Variants in LPAR3 observed in about 807,000 individuals in gnomAD.
LPAR3 encodes the protein lysophosphatidic acid receptor 3.
A neutral mutation model predicts 17.8 loss-of-function variants in LPAR3; 7 were observed. That is an observed-to-expected ratio of 0.39 (90% confidence interval 0.22 to 0.74). The LOEUF (loss-of-function observed/expected upper bound fraction) is 0.74. Ranked by LOEUF, LPAR3 falls within the 30% of genes least tolerant of loss-of-function variation. The pLI is 0.40. For missense variants in LPAR3, 391 were observed against 453.4 expected (o/e 0.86, Z 1.25); for synonymous variants, 179 against 179.9 (o/e 0.99, Z 0.04).
At chr1:84,850,767 G>A (rs554573961) in intron 2 of LPAR3, among the ~76,000 whole-genome samples, 20 of 152,206 alleles carry the variant, frequency 1.3e-4, no homozygotes, top group Non-Finnish European at 2.2e-4. Context: ...GATAACCACT[G>A]GTTAGAACCA....
intron 2 of LPAR3, among the ~76,000 whole-genome samples, chr1:84,822,036 A>T (rs1659070460): frequency 6.6e-6 from 1 of 152,184 alleles, no homozygotes; most frequent in African/African-American, 2.4e-5. Context: ...GGGAGTCATC[A>T]GCAGTAGGTG....
intron 1 of LPAR3, among the ~76,000 whole-genome samples, chr1:84,881,277 A>G (rs1660360646): frequency 6.6e-6 from 1 of 152,148 alleles, no homozygotes; most frequent in Non-Finnish European, 1.5e-5. Context: ...CCTGGGTCAG[A>G]TGCAGGCGCA....
At chr1:84,869,587 T>C (rs953576281) in intron 1 of LPAR3, among the ~76,000 whole-genome samples, 12 of 152,264 alleles carry the variant, frequency 7.9e-5, no homozygotes, top group Admixed American at 1.3e-4. Context: ...GTGTTGACTA[T>C]ATAGAAAAAG....
In LPAR3 at chr1:84,865,452, A is replaced by T; in HGVS notation, c.669T>A (p.His223Gln). Residue 223 changes from histidine (H) to glutamine (Q), a missense_variant, in exon 2 of 3, where the codon CAT (histidine) becomes CAA (glutamine). By Grantham distance (24) the His-to-Gln change is conservative. Coordinates refer to ENST00000370611, the MANE Select transcript of LPAR3 (RefSeq NM_012152.3). Reference sequence around the variant, plus strand: ...TCCGGCGGCTGATGGACCCACTTGTATGCGGAGACAAGACGTTGGTTTTCC... The same window carrying T: ...TCCGGCGGCTGATGGACCCACTTGTTTGCGGAGACAAGACGTTGGTTTTCC... ...VKRKTNVLSP[H>Q]TSGSISRRRT... is the part of the protein sequence containing the mutation. 1.2e-6 allele frequency: 2 copies of T among 1,614,150 alleles called. No homozygotes were observed.
At position 84,890,100 on chromosome 1, in the gene LPAR3, T is replaced by A. The variant is rs557334251; in HGVS notation, c.-19+2916A>T. On this transcript the variant is annotated intron_variant, in intron 1 of 2. Transcript: ENST00000370611. ...ATAGCTCCCCAGCCCCATCACCACCTCTGCCATCCACAGCAGGACTGAGTT... is the reference window on the plus strand; with the variant it reads ...ATAGCTCCCCAGCCCCATCACCACCACTGCCATCCACAGCAGGACTGAGTT... Among the ~76,000 whole-genome samples the A allele has an allele frequency of 9.2e-5, 14 of 152,178 alleles. No individual in the cohort carries two copies. The South Asian group carries it at 1.2e-3, about 14-fold the overall frequency.
chr1:84,822,889 TAAAAAC>T (rs1659084735), intron 2 of LPAR3, among the ~76,000 whole-genome samples: 1 of 152,188 alleles, frequency 6.6e-6, no homozygotes, highest in Non-Finnish European at 1.5e-5. Context: ...TCCATAATGA[TAAAAAC>T]AATCACGTAG....
intron 2 of LPAR3, among the ~76,000 whole-genome samples, chr1:84,832,930 G>A (rs1659316736): frequency 6.6e-6 from 1 of 152,198 alleles, no homozygotes; most frequent in Admixed American, 6.5e-5. Flanking sequence ...TATTTTAGTA[G>A]TCAAATGAGA....
intron 2 of LPAR3, among the ~76,000 whole-genome samples, chr1:84,846,506 CT>C (rs1256903920): frequency 6.6e-6 from 1 of 152,214 alleles, no homozygotes; most frequent in African/African-American, 2.4e-5. Context: ...TATTTCTCTG[CT>C]TTTCTTTATG....
At chr1:84,842,321 C>T (rs986460189) in intron 2 of LPAR3, among the ~76,000 whole-genome samples, 12 of 152,316 alleles carry the variant, frequency 7.9e-5, no homozygotes, top group Non-Finnish European at 1.6e-4. Flanking sequence ...CCACCACTAT[C>T]GGATCAATCA....
At chr1:84,861,412 ATC>A (rs1659938545) in intron 2 of LPAR3, among the ~76,000 whole-genome samples, 1 of 150,608 alleles carries the variant, frequency 6.6e-6, no homozygotes, top group Non-Finnish European at 1.5e-5. Flanking sequence ...CTCTCTCTCA[ATC>A]TCTCTCTCCC....
Position 84,831,613 on chromosome 1 carries a change from A to T in LPAR3, c.737-17442T>A, listed in dbSNP as rs1659284647. On this transcript the variant is annotated intron_variant, in intron 2 of 2. Transcript: ENST00000370611. ...TTTGACTTACTCATCTCATTTGACT[A>T]CTTAAATAGTACAAGTAACTTTTTA... 3.3e-5 allele frequency among the ~76,000 whole-genome samples: 5 copies of T among 151,926 alleles called. No individual in the cohort carries two copies. The South Asian group carries it at 1.0e-3, about 31-fold the overall frequency.
intron 1 of LPAR3, among the ~76,000 whole-genome samples, chr1:84,867,202 CT>C: frequency 1.3e-5 from 2 of 152,334 alleles, no homozygotes; most frequent in East Asian, 3.9e-4. Context: ...GCCCATCTGT[CT>C]ACACGTGGTG....
chr1:84,838,704 T>C (rs891411537), intron 2 of LPAR3, among the ~76,000 whole-genome samples: 20 of 152,172 alleles, frequency 1.3e-4, no homozygotes, highest in Admixed American at 2.0e-4. Context: ...GTCTTTATAT[T>C]AAATATAAGG....
intron 2 of LPAR3, among the ~76,000 whole-genome samples, chr1:84,828,816 A>G (rs553018015): frequency 1.3e-5 from 2 of 152,316 alleles, no homozygotes; most frequent in African/African-American, 4.8e-5. Context: ...TTAATTTAGT[A>G]ACCCCTTTGA....
intron 1 of LPAR3, among the ~76,000 whole-genome samples, chr1:84,872,997 C>A (rs79409050): frequency 0.078 from 11,844 of 152,178 alleles, 624 homozygotes; most frequent in African/African-American, 0.14. Flanking sequence ...AAAACATCAG[C>A]TAAATCGCAG....
In LPAR3 at chr1:84,814,092, C is replaced by A. The variant is rs778971937; in HGVS notation, c.816G>T (p.Gln272His). 1.2e-6 allele frequency: 2 copies of A among 1,614,070 alleles called. No homozygotes were observed. Among genetic ancestry groups the A allele is most frequent in the Non-Finnish European group, 1.7e-6 (2 of 1,180,044 alleles). ...DGLNCRQCGV[Q>H]HVKRWFLLLA... ...GCAGCAGGAACCACCTTTTCACATG[C>A]TGCACGCCACACTGCCTGCAGTTCA... Residue 272 changes from glutamine to histidine, a missense_variant, in exon 3 of 3, where the codon CAG becomes CAT. Transcript: ENST00000370611.
chr1:84,832,532 G>C (rs759833573), intron 2 of LPAR3, among the ~76,000 whole-genome samples: 1 of 152,190 alleles, frequency 6.6e-6, no homozygotes, highest in Non-Finnish European at 1.5e-5. Flanking sequence ...AGAAGATAGG[G>C]TGTAGGGGCA....
intron 1 of LPAR3, among the ~76,000 whole-genome samples, chr1:84,884,296 C>G (rs1479504338): frequency 6.6e-6 from 1 of 152,190 alleles, no homozygotes; most frequent in African/African-American, 2.4e-5. Context: ...TTGGTGTACT[C>G]TCGTGGCAAG....
chr1:84,843,527 T>G (rs1659545030), intron 2 of LPAR3, among the ~76,000 whole-genome samples: 1 of 152,274 alleles, frequency 6.6e-6, no homozygotes, highest in Non-Finnish European at 1.5e-5. Context: ...GCAGTGGGTC[T>G]ATTCTGCACT....
Sources: gnomAD v4.1 joint callset for allele counts (sites outside exome capture counted in the v4.1 genomes callset) on GRCh38, gnomAD v4.1.1 for gene constraint, MANE v1.5 for transcripts, NCBI Gene and HGNC (gene_info 2026-07-23, HGNC 2026-07-21) for gene names.